The following SGO1 variants were observed in gnomAD, a reference collection of about 807,000 sequenced individuals.
SGO1 encodes the protein serologically defined breast cancer antigen NY-BR-85.
A neutral mutation model predicts 50.5 loss-of-function variants in SGO1; 39 were observed. The ratio of observed to expected loss-of-function variants is 0.77; its 90% CI spans 0.60 to 1.01. SGO1 has a LOEUF of 1.01. Ranked by LOEUF, SGO1 falls within the 50% of genes least tolerant of loss-of-function variation. The pLI is 0.00. For missense variants in SGO1, 638 were observed against 606.0 expected (o/e 1.05, Z -0.55); for synonymous variants, 191 against 205.1 (o/e 0.93, Z 0.59).
chr3:20,163,855 A>G (rs1700164540), intron 8 of SGO1, among the ~76,000 whole-genome samples: 1 of 152,230 alleles, frequency 6.6e-6, no homozygotes, highest in African/African-American at 2.4e-5. Context: ...TTAGATGAAC[A>G]AAGTCCTTGT....
At chr3:20,180,391 G>C (rs1701875242) in intron 3 of SGO1, among the ~76,000 whole-genome samples, 1 of 152,140 alleles carries the variant, frequency 6.6e-6, no homozygotes, top group Non-Finnish European at 1.5e-5. Flanking sequence ...AAAGAAATGA[G>C]GAGATAAAGA....
chr3:20,169,771 C>G lies in SGO1; in HGVS notation c.*933G>C. Reference sequence around the variant, plus strand: ...GTTCACAATTAGTCACTTATCTTGTCCCTGAGCCTAAAAAAGAATCAATTT... The same window carrying G: ...GTTCACAATTAGTCACTTATCTTGTGCCTGAGCCTAAAAAAGAATCAATTT... On this transcript the variant is annotated 3_prime_UTR_variant, in exon 8 of 8. Coordinates refer to ENST00000412997, the MANE Select transcript of SGO1 (RefSeq NM_001199251.3). 1 of 953,202 alleles carries G rather than the reference C, an allele frequency of 1.0e-6. No homozygotes were observed. The highest frequency in any genetic ancestry group is 1.2e-6 in the Non-Finnish European group (1 of 800,602). 59.0% of individuals were successfully genotyped at this position (953,202 alleles called of 1,614,324 possible).
In SGO1 at chr3:20,170,416, A is replaced by G; in HGVS notation, c.*288T>C. ...TCCGCCTCCAAAAAAAAAAAAAGATATATTTCGACTAAAATTAAGAGGTTT... is the reference window on the plus strand; with the variant it reads ...TCCGCCTCCAAAAAAAAAAAAAGATGTATTTCGACTAAAATTAAGAGGTTT... On this transcript the variant is annotated 3_prime_UTR_variant, in exon 8 of 8. Transcript: ENST00000412997. 1.1e-5 allele frequency: 11 copies of G among 991,396 alleles called. No homozygotes were observed. Among genetic ancestry groups the G allele is most frequent in the Non-Finnish European group, 1.3e-5 (11 of 831,552 alleles). The allele number at this position is 991,396 out of a possible 1,614,324, so 61.4% of individuals were successfully genotyped here.
intron 3 of SGO1, among the ~76,000 whole-genome samples, chr3:20,179,139 T>C (rs1028549812): frequency 6.6e-6 from 1 of 152,122 alleles, no homozygotes; most frequent in African/African-American, 2.4e-5. Flanking sequence ...GGAAAGCCTC[T>C]TGTGGTTTTG....
downstream of SGO1, among the ~76,000 whole-genome samples, chr3:20,168,493 A>G (rs55803934): frequency 0.098 from 14,779 of 151,504 alleles, 875 homozygotes; most frequent in East Asian, 0.22. Context: ...ACCATCCAGA[A>G]GCAGGTGGTG....
downstream of SGO1, chr3:20,168,978 T>G (rs925378012): frequency 2.0e-6 from 2 of 984,946 alleles, no homozygotes; most frequent in Non-Finnish European, 2.4e-6. Flanking sequence ...TAGTTTAAGA[T>G]AGCTACTCTA....
Position 20,174,312 on chromosome 3 carries a change from T to C in SGO1, c.1219A>G (p.Arg407Gly). The C allele has an allele frequency of 1.2e-6, 2 of 1,614,204 alleles. No homozygotes were observed. Residue 407 changes from arginine (R) to glycine (G), a missense_variant, in exon 6 of 8, where the codon AGA becomes GGA. Physicochemically the swap from Arg to Gly is moderately radical, Grantham distance 125 (BLOSUM62 -2). Transcript: ENST00000412997. Reference protein sequence around the residue: ...DRPVTRPLAKRALKYTDEKET... With the variant: ...DRPVTRPLAKGALKYTDEKET... ...TTTTCATCTGTGTATTTCAGTGCTCTTTTAGCTAGAGGCCTGGTGACTGGT... is the reference window on the plus strand; with the variant it reads ...TTTTCATCTGTGTATTTCAGTGCTCCTTTAGCTAGAGGCCTGGTGACTGGT...
At chr3:20,186,691 T>C (rs1702693609), upstream of SGO1, 1 of 152,260 alleles carries the variant, frequency 6.6e-6, no homozygotes. Context: ...CTGAAAATTC[T>C]AGCTCCATGT....
At position 20,183,962 on chromosome 3, in the gene SGO1, C is replaced by T; in HGVS notation, c.66G>A (p.Met22Ile). The stretch of plus-strand genomic sequence containing the variant: ...CCAAGTTTTTATTCCTTTTCTCTTT[C>T]ATTCGCTTCTTTATGTCTTCAAGAC... Reference protein sequence around the residue: ...QDSLEDIKKRMKEKRNKNLAE... With the variant: ...QDSLEDIKKRIKEKRNKNLAE... The change falls in exon 2 of 8, where the codon ATG becomes ATA. Residue 22 changes from methionine (M) to isoleucine (I), a missense_variant. Transcript: ENST00000412997. The T allele has an allele frequency of 1.9e-6, 3 of 1,612,766 alleles. No individual in the cohort carries two copies. The highest frequency in any genetic ancestry group is 2.5e-6 in the Non-Finnish European group (3 of 1,179,656).
intron 8 of SGO1, among the ~76,000 whole-genome samples, chr3:20,161,517 A>G (rs1270451279): frequency 6.6e-6 from 1 of 152,208 alleles, no homozygotes; most frequent in Non-Finnish European, 1.5e-5. Context: ...TATGGAAAGA[A>G]TGTAGCTAAA....
intron 1 of SGO1, among the ~76,000 whole-genome samples, chr3:20,185,671 A>C (rs1335351689): frequency 6.6e-6 from 1 of 152,228 alleles, no homozygotes; most frequent in Non-Finnish European, 1.5e-5. Flanking sequence ...CGCTGCACAA[A>C]GAACTGCTGT....
Position 20,169,848 on chromosome 3 carries a change from G to A in SGO1, c.*856C>T, listed in dbSNP as rs9822963. The A allele has an allele frequency of 2.9e-3, 2,800 of 975,934 alleles. 73 individuals are homozygous for A. The African/African-American group carries it at 0.045, about 16-fold the overall frequency. 60.5% of individuals were successfully genotyped at this position (975,934 alleles called of 1,614,324 possible). On this transcript the variant is annotated 3_prime_UTR_variant, in exon 8 of 8. Transcript: ENST00000412997. Reference sequence around the variant, plus strand: ...TATCTGAAAAATTAAATATAACAGTGGTATAAGGAATTCATAAACAACTTA... The same window carrying A: ...TATCTGAAAAATTAAATATAACAGTAGTATAAGGAATTCATAAACAACTTA...
chr3:20,162,738 C>T (rs1261118037), intron 8 of SGO1, among the ~76,000 whole-genome samples: 1 of 149,408 alleles, frequency 6.7e-6, no homozygotes, highest in Non-Finnish European at 1.5e-5. Flanking sequence ...AAAACATGAA[C>T]ACAATAAAGA....
chr3:20,171,638 C>G (rs1575198246), intron 6 of SGO1, among the ~76,000 whole-genome samples: 2 of 152,144 alleles, frequency 1.3e-5, no homozygotes, highest in Admixed American at 1.3e-4. Context: ...GGCATAATAA[C>G]TTTGTTTAAC....
intron 6 of SGO1, among the ~76,000 whole-genome samples, chr3:20,173,112 C>A (rs1700956903): frequency 6.7e-6 from 1 of 150,084 alleles, no homozygotes; most frequent in South Asian, 2.1e-4. Flanking sequence ...TTGATTTATT[C>A]TAACATCATT....
At chr3:20,183,495 A>G (rs900375610) in intron 3 of SGO1, 113 bp downstream of exon 3, 12 of 899,124 alleles carry the variant, frequency 1.3e-5, no homozygotes, top group East Asian at 2.6e-5. Flanking sequence ...GATGTTTTAA[A>G]CAATTCATGC....
chr3:20,172,620 T>C (rs1317947564), intron 6 of SGO1, among the ~76,000 whole-genome samples: 1 of 151,312 alleles, frequency 6.6e-6, no homozygotes, highest in Non-Finnish European at 1.5e-5. Context: ...CATTTTAGAG[T>C]ATATTTTTTT....
At chr3:20,181,404 TCTC>T (rs767273574) in intron 3 of SGO1, among the ~76,000 whole-genome samples, 102 of 152,328 alleles carry the variant, frequency 6.7e-4, no homozygotes, top group Non-Finnish European at 1.2e-3. Flanking sequence ...ATTTTAAGCT[TCTC>T]CACCACTGCT....
At chr3:20,171,634 A>G (rs74394491) in intron 6 of SGO1, among the ~76,000 whole-genome samples, 19,136 of 152,252 alleles carry the variant, frequency 0.13, 1,492 homozygotes, top group Admixed American at 0.17. Context: ...CTTGGGCATA[A>G]TAACTTTGTT....
Sources: gnomAD v4.1 joint callset for allele counts (sites outside exome capture counted in the v4.1 genomes callset) on GRCh38, gnomAD v4.1.1 for gene constraint, MANE v1.5 for transcripts, NCBI Gene and HGNC (gene_info 2026-07-23, HGNC 2026-07-21) for gene names.